MIPEP: variants seen among roughly 807,000 people sequenced by gnomAD.
The protein encoded by MIPEP is mitochondrial intermediate peptidase.
In MIPEP, 79 loss-of-function variants were observed where a neutral mutation model predicts 90.3. That is an observed-to-expected ratio of 0.87 (90% CI 0.73 to 1.05). The LOEUF (loss-of-function observed/expected upper bound fraction) is 1.05. MIPEP is among the 50% of genes least tolerant of loss of function. The probability of loss-of-function intolerance (pLI) is 0.00; values close to 1 mark genes in which losing one functional copy is unlikely to be tolerated. For missense variants in MIPEP, 940 were observed against 905.6 expected, an observed-to-expected ratio of 1.04 and a Z score of -0.49; for synonymous variants, 334 against 315.8, an observed-to-expected ratio of 1.06 and a Z score of -0.61.
At chr13:23,822,887 C>A (rs765974883) in intron 14 of MIPEP, among the ~76,000 whole-genome samples, 1 of 151,114 alleles carries the variant, frequency 6.6e-6, no homozygotes, top group African/African-American at 2.4e-5. Context: ...AGCATCTGGG[C>A]GCTTCTTTTT....
chr13:23,753,223 CAA>C (rs765963824), intron 18 of MIPEP, among the ~76,000 whole-genome samples: 11 of 128,170 alleles, frequency 8.6e-5, no homozygotes, highest in African/African-American at 1.6e-4. Context: ...GACTCCATCT[CAA>C]AAAAAAAAAA....
chr13:23,806,073 G>A lies in MIPEP; in HGVS notation c.1729-4C>T. The A allele has an allele frequency of 6.2e-7, 1 of 1,613,576 alleles. No homozygotes were observed. The highest frequency in any genetic ancestry group is 8.5e-7 in the Non-Finnish European group (1 of 1,179,856). The stretch of plus-strand genomic sequence containing the variant: ...GATCCAGAGTGGCATAAAAGACCTA[G>A]ATAGATAAAAACATCTACTTAGTTT... On this transcript the variant is annotated splice_polypyrimidine_tract_variant and splice_region_variant and intron_variant, in intron 15 of 18. Transcript: ENST00000382172.
At chr13:23,841,894 T>TA (rs1299593207) in intron 10 of MIPEP, among the ~76,000 whole-genome samples, 1 of 152,160 alleles carries the variant, frequency 6.6e-6, no homozygotes, top group Non-Finnish European at 1.5e-5. Flanking sequence ...CCTATATACA[T>TA]AAATATTAAA....
intron 14 of MIPEP, among the ~76,000 whole-genome samples, chr13:23,835,689 G>A (rs555821926): frequency 1.3e-5 from 2 of 152,304 alleles, no homozygotes; most frequent in East Asian, 3.9e-4. Flanking sequence ...AGCTAGCTTA[G>A]TGTAAGGTAC....
chr13:23,835,816 T>C (rs151173499), intron 14 of MIPEP, among the ~76,000 whole-genome samples: 1 of 152,324 alleles, frequency 6.6e-6, no homozygotes, highest in African/African-American at 2.4e-5. Context: ...TGGCAAAATA[T>C]GGCACTGGAT....
rs754023119 is a variant in MIPEP, at chr13:23,836,356, C to G, written c.1544-7G>C. On this transcript the variant is annotated splice_region_variant and splice_polypyrimidine_tract_variant and intron_variant, in intron 13 of 18. Transcript: ENST00000382172. Reference sequence around the variant, plus strand: ...TCAGTAGGGCACCTGGTCCCTAAAACAAGAAAAAAAAAAAAGTTGGCATGA... The same window carrying G: ...TCAGTAGGGCACCTGGTCCCTAAAAGAAGAAAAAAAAAAAAGTTGGCATGA... The G allele has an allele frequency of 4.9e-5, 74 of 1,500,546 alleles. No homozygotes were observed. Among genetic ancestry groups the G allele is most frequent in the Non-Finnish European group, 6.1e-5 (68 of 1,123,416 alleles). 93.0% of individuals were successfully genotyped at this position (1,500,546 alleles called of 1,614,324 possible). A position where few individuals can be genotyped will look rare whatever the true frequency, so the allele number is the denominator to read the frequency against.
intron 10 of MIPEP, among the ~76,000 whole-genome samples, chr13:23,855,382 A>C (rs1870006580): frequency 6.6e-6 from 1 of 152,208 alleles, no homozygotes; most frequent in African/African-American, 2.4e-5. Context: ...TTAGATGAAC[A>C]TTAAAAACTT....
At chr13:23,786,853 G>A (rs1952846933) in intron 16 of MIPEP, among the ~76,000 whole-genome samples, 1 of 152,112 alleles carries the variant, frequency 6.6e-6, no homozygotes, top group African/African-American at 2.4e-5. Flanking sequence ...ACACTGTTAC[G>A]GACTTATTTT....
At chr13:23,831,720 T>C (rs1039123869) in intron 14 of MIPEP, among the ~76,000 whole-genome samples, 3 of 152,138 alleles carry the variant, frequency 2.0e-5, no homozygotes, top group Admixed American at 2.0e-4. Flanking sequence ...AGAGAGCTAT[T>C]ACTCCATCTA....
rs1221527909 is a variant in MIPEP at position 23,870,151 on chromosome 13, A to G, written c.648T>C (p.Ser216=). The G allele has an allele frequency of 2.5e-6, 4 of 1,608,716 alleles. No homozygotes were observed. Among genetic ancestry groups the G allele is most frequent in the East Asian group, 2.2e-5 (1 of 44,694 alleles). Reference sequence around the variant, plus strand: ...AATTGGTTCCCATAAGAAATGTACTACTCAAATCCAAGATTTTAACATTGA... The same window carrying G: ...AATTGGTTCCCATAAGAAATGTACTGCTCAAATCCAAGATTTTAACATTGA... ...VDLNVKILDL[S]STFLMGTNFP... The change falls in exon 6 of 19, where the codon AGT becomes AGC. Residue 216 remains serine (S), a synonymous_variant. Transcript: ENST00000382172.
intron 16 of MIPEP, among the ~76,000 whole-genome samples, chr13:23,770,341 C>T (rs763823239): frequency 2.0e-5 from 3 of 152,152 alleles, no homozygotes; most frequent in Non-Finnish European, 4.4e-5. Context: ...TCCCCCAGGT[C>T]GATCCATATG....
intron 18 of MIPEP, among the ~76,000 whole-genome samples, chr13:23,739,655 C>T (rs1459375707): frequency 2.0e-5 from 3 of 152,196 alleles, no homozygotes; most frequent in African/African-American, 4.8e-5. Flanking sequence ...TTAGGTCTGA[C>T]TCCCCATAGG....
At chr13:23,850,927 G>A (rs181962368) in intron 10 of MIPEP, among the ~76,000 whole-genome samples, 3 of 152,368 alleles carry the variant, frequency 2.0e-5, no homozygotes, top group South Asian at 2.1e-4. Flanking sequence ...CTGGAACAGG[G>A]AGGAATGAAA....
chr13:23,754,718 T>C (rs1430942355), intron 18 of MIPEP, among the ~76,000 whole-genome samples: 1 of 152,170 alleles, frequency 6.6e-6, no homozygotes, highest in Non-Finnish European at 1.5e-5. Context: ...TGGGAAAGGA[T>C]GAGCCAAGCA....
At chr13:23,730,600 T>C (rs888729365) in intron 18 of MIPEP, among the ~76,000 whole-genome samples, 155 bp from the exon 19 acceptor site, 5 of 152,246 alleles carry the variant, frequency 3.3e-5, no homozygotes, top group Non-Finnish European at 7.3e-5. Flanking sequence ...TATAAAGTCA[T>C]GGGCAGTGTG....
intron 10 of MIPEP, chr13:23,842,661 G>C (rs1869351267): frequency 6.6e-6 from 1 of 152,332 alleles, no homozygotes; most frequent in Non-Finnish European, 1.5e-5. Flanking sequence ...CCTGGGCCTG[G>C]TGCAGTGGGC....
At chr13:23,772,040 TAAC>T (rs770734048) in intron 16 of MIPEP, among the ~76,000 whole-genome samples, 12 of 148,972 alleles carry the variant, frequency 8.1e-5, no homozygotes, top group Non-Finnish European at 1.5e-4. Flanking sequence ...CAGGAATCCG[TAAC>T]AACTGCCCCC....
chr13:23,807,542 C>A (rs1191279214), intron 15 of MIPEP, among the ~76,000 whole-genome samples: 2 of 152,100 alleles, frequency 1.3e-5, no homozygotes, highest in Non-Finnish European at 2.9e-5. Context: ...TTAAACCTTC[C>A]CTAGAAAAAT....
intron 16 of MIPEP, among the ~76,000 whole-genome samples, chr13:23,778,585 T>C (rs1952742214): frequency 6.6e-6 from 1 of 152,202 alleles, no homozygotes; most frequent in African/African-American, 2.4e-5. Context: ...AATTTTGGTC[T>C]ATTTGTTTTT....
Sources: gnomAD v4.1 joint callset for allele counts (sites outside exome capture counted in the v4.1 genomes callset) on GRCh38, gnomAD v4.1.1 for gene constraint, MANE v1.5 for transcripts, NCBI Gene and HGNC (gene_info 2026-07-23, HGNC 2026-07-21) for gene names.